Variants in SEC14L2 observed in about 807,000 individuals in gnomAD.
SEC14L2 encodes SEC14-like protein 2.
Under a neutral mutation model 56.9 loss-of-function variants are expected in SEC14L2, and 50 were observed. The ratio of observed to expected loss-of-function variants is 0.88; its 90% CI spans 0.70 to 1.11. SEC14L2 has a LOEUF of 1.11. Ranked by LOEUF, SEC14L2 falls within the 50% of genes most tolerant of loss-of-function variation. SEC14L2 has a pLI of 0.00. For missense variants in SEC14L2, 414 were observed against 500.7 expected, an observed-to-expected ratio of 0.83 and a Z score of 1.65; for synonymous variants, 179 against 188.5, an observed-to-expected ratio of 0.95 and a Z score of 0.41.
chr22:30,399,858 C>T (rs1034199965), intron 2 of SEC14L2, 140 bp downstream of exon 2: 1 of 639,668 alleles, frequency 1.6e-6, no homozygotes. Flanking sequence ...TTGGCAATGA[C>T]ATAAGCTCAA....
chr22:30,413,213 G>C (rs567187258), intron 8 of SEC14L2, among the ~76,000 whole-genome samples: 2 of 152,200 alleles, frequency 1.3e-5, no homozygotes, highest in Non-Finnish European at 1.5e-5. Context: ...CAGAGAAAGC[G>C]AACCCAGCAG....
Position 30,425,156 on chromosome 22 carries a change from A to C in SEC14L2, c.*2749A>C. On this transcript the variant is annotated 3_prime_UTR_variant, in exon 12 of 12. Transcript: ENST00000615189. ...CTTAGCAGCTGTGTGTTCTGGGAAA[A>C]TGACCCACCTTCTCTGTGCCTCCAT... 1 of 197,272 alleles carries C rather than the reference A, an allele frequency of 5.1e-6. No homozygotes were observed. Among genetic ancestry groups the C allele is most frequent in the Non-Finnish European group, 1.1e-5 (1 of 93,108 alleles). 12.2% of individuals were successfully genotyped at this position (197,272 alleles called of 1,614,324 possible).
In SEC14L2 at chr22:30,409,211, A is replaced by G; in HGVS notation, c.448A>G (p.Thr150Ala). 6.2e-7 allele frequency: 1 copy of G among 1,613,742 alleles called. No homozygotes were observed. Among genetic ancestry groups the G allele is most frequent in the Non-Finnish European group, 8.5e-7 (1 of 1,179,960 alleles). The change falls in exon 6 of 12, where the codon ACC (threonine) becomes GCC (alanine). Residue 150 changes from threonine to alanine, a missense_variant. Thr to Ala is a moderately conservative substitution (Grantham distance 58, BLOSUM62 0). Coordinates refer to ENST00000615189, the MANE Select transcript of SEC14L2 (RefSeq NM_012429.5). ...TKLGRKVETI[T>A]IIYDCEGLGL... Reference sequence around the variant, plus strand: ...GTTGGGGAGGAAGGTGGAGACCATCACCATAATTTATGACTGCGAGGGGCT... The same window carrying G: ...GTTGGGGAGGAAGGTGGAGACCATCGCCATAATTTATGACTGCGAGGGGCT...
In SEC14L2 at chr22:30,399,683, A is replaced by G. The variant is rs774355357; in HGVS notation, c.95A>G (p.Asn32Ser). ...NVQDVLPALP[N>S]PDDYFLLRWL... Reference sequence around the variant, plus strand: ...CAGGATGTGCTGCCGGCCCTGCCGAATCCAGATGACTATTTTCTCCTGCGT... The same window carrying G: ...CAGGATGTGCTGCCGGCCCTGCCGAGTCCAGATGACTATTTTCTCCTGCGT... Residue 32 changes from asparagine to serine, a missense_variant, in exon 2 of 12, where the codon AAT becomes AGT. Transcript: ENST00000615189. 2 of 1,613,958 alleles carry G rather than the reference A, an allele frequency of 1.2e-6. No individual in the cohort carries two copies. Among genetic ancestry groups the G allele is most frequent in the South Asian group, 2.2e-5 (2 of 91,070 alleles).
chr22:30,419,789 A>G (rs974876962), intron 11 of SEC14L2, among the ~76,000 whole-genome samples: 3 of 152,228 alleles, frequency 2.0e-5, no homozygotes, highest in Admixed American at 6.5e-5. Context: ...CTCCTATGGT[A>G]ATAGAAAAGA....
At chr22:30,406,019 G>C (rs1934082952) in intron 2 of SEC14L2, among the ~76,000 whole-genome samples, 1 of 151,942 alleles carries the variant, frequency 6.6e-6, no homozygotes, top group African/African-American at 2.4e-5. Flanking sequence ...GAGGATCCGG[G>C]GTTCATTTTC....
chr22:30,397,644 C>A (rs1246373319), intron 1 of SEC14L2: 1 of 317,522 alleles, frequency 3.1e-6, no homozygotes, highest in Non-Finnish European at 6.2e-6. Context: ...AGCCGCTGTG[C>A]GACCTTGGGC....
chr22:30,403,169 C>T (rs1018733095), intron 2 of SEC14L2, among the ~76,000 whole-genome samples: 2 of 152,200 alleles, frequency 1.3e-5, no homozygotes, highest in African/African-American at 4.8e-5. Flanking sequence ...AAGTCACACA[C>T]GGGCAGAATG....
At position 30,416,265 on chromosome 22, in the gene SEC14L2, G is replaced by T; in HGVS notation, c.943G>T (p.Gly315Cys). Residue 315 changes from glycine (G) to cysteine (C), a missense_variant, in exon 11 of 12, where the codon GGT (glycine) becomes TGT (cysteine). By Grantham distance (159) the Gly-to-Cys change is radical (BLOSUM62 -3). Transcript: ENST00000615189. ...WQFMSDGADV[G>C]FGIFLKTKMG... ...GTTTATGTCAGATGGAGCGGATGTT[G>T]GTTTTGGGATTTTCCTGAAGACCAA... 6.2e-7 allele frequency: 1 copy of T among 1,614,228 alleles called. No homozygotes were observed. The highest frequency in any genetic ancestry group is 8.5e-7 in the Non-Finnish European group (1 of 1,180,044).
At chr22:30,404,023 A>AC (rs1450233879) in intron 2 of SEC14L2, among the ~76,000 whole-genome samples, 1 of 135,244 alleles carries the variant, frequency 7.4e-6, no homozygotes, top group African/African-American at 2.8e-5. Context: ...AAAAAAAAAA[A>AC]AAAAAAGAAA....
At chr22:30,418,197 C>T (rs1010436231) in intron 11 of SEC14L2, among the ~76,000 whole-genome samples, 1 of 152,144 alleles carries the variant, frequency 6.6e-6, no homozygotes, top group Admixed American at 6.5e-5. Flanking sequence ...AGATTACCAG[C>T]ATGAGCCACC....
At chr22:30,407,246 A>G (rs545298763) in intron 4 of SEC14L2, 92 bp downstream of exon 4, 1 of 1,529,818 alleles carries the variant, frequency 6.5e-7, no homozygotes, top group Admixed American at 1.7e-5. Flanking sequence ...TCCTTAGAGG[A>G]AAGGTCTGAC....
At chr22:30,419,724 A>C (rs1367356204) in intron 11 of SEC14L2, among the ~76,000 whole-genome samples, 2 of 152,226 alleles carry the variant, frequency 1.3e-5, no homozygotes, top group Non-Finnish European at 2.9e-5. Flanking sequence ...TGAATATTAT[A>C]TCCCAATAAT....
intron 1 of SEC14L2, 78 bp from the exon 2 acceptor site, chr22:30,399,565 G>C: frequency 2.1e-6 from 1 of 484,146 alleles, no homozygotes; most frequent in Non-Finnish European, 3.7e-6. Context: ...GTCCAGCAAA[G>C]ATCTCAGTGG....
At chr22:30,404,009 C>CAAAAAAAAAA (rs67366822) in intron 2 of SEC14L2, among the ~76,000 whole-genome samples, 9 of 93,212 alleles carry the variant, frequency 9.7e-5, no homozygotes, top group East Asian at 3.2e-4. Context: ...GACTCCGTCT[C>CAAAAAAAAAA]AAAAAAAAAA....
chr22:30,410,931 T>G (rs745952613), intron 8 of SEC14L2, among the ~76,000 whole-genome samples: 2 of 152,176 alleles, frequency 1.3e-5, no homozygotes, highest in Admixed American at 6.5e-5. Context: ...ACTCCAGTCC[T>G]TGCCCTCAAG....
In SEC14L2 at chr22:30,397,041, G is replaced by C. The variant is rs1396466607; in HGVS notation, c.-76G>C. The C allele has an allele frequency of 7.5e-7, 1 of 1,337,848 alleles. No homozygotes were observed. The highest frequency in any genetic ancestry group is 1.0e-6 in the Non-Finnish European group (1 of 957,928). 82.9% of individuals were successfully genotyped at this position (1,337,848 alleles called of 1,614,324 possible). A position where few individuals can be genotyped will look rare whatever the true frequency, so the allele number is the denominator to read the frequency against. ...GGGACTTTACTCCGGGTGGCGGCGA[G>C]GACGAGTCTGTGCTCCATCAGCTGC... On this transcript the variant is annotated 5_prime_UTR_variant, in exon 1 of 12. Coordinates refer to ENST00000615189, the MANE Select transcript of SEC14L2 (RefSeq NM_012429.5).
chr22:30,424,924 C>T lies in SEC14L2; in HGVS notation c.*2517C>T, dbSNP rs1012461339. Reference sequence around the variant, plus strand: ...TAATTAATTCATCCAACATCCTGTCCCCAAGAAGCTCAGTCTGGGGACATA... The same window carrying T: ...TAATTAATTCATCCAACATCCTGTCTCCAAGAAGCTCAGTCTGGGGACATA... On this transcript the variant is annotated 3_prime_UTR_variant, in exon 12 of 12. Transcript: ENST00000615189. 2 of 430,102 alleles carry T rather than the reference C, an allele frequency of 4.7e-6. No homozygotes were observed. Among genetic ancestry groups the T allele is most frequent in the African/African-American group, 2.0e-5 (1 of 49,584 alleles). The allele number at this position is 430,102 out of a possible 1,614,324, so 26.6% of individuals were successfully genotyped here. A position where few individuals can be genotyped will look rare whatever the true frequency, so the allele number is the denominator to read the frequency against.
At chr22:30,397,198 C>G (rs535050587) in intron 1 of SEC14L2, 28 bp downstream of exon 1, 1 of 1,497,060 alleles carries the variant, frequency 6.7e-7, no homozygotes, top group African/African-American at 1.4e-5. Context: ...CCCGGGCTCC[C>G]GCCTCGGGCT....
Sources: allele counts gnomAD v4.1 joint callset (sites outside exome capture counted in the v4.1 genomes callset), GRCh38; gene constraint gnomAD v4.1.1; transcripts MANE v1.5; gene names NCBI Gene and HGNC (gene_info 2026-07-23, HGNC 2026-07-21).